The following ATP9B variants were observed in gnomAD, a reference collection of about 807,000 sequenced individuals.
The protein encoded by ATP9B is ATPase phospholipid transporting 9B.
Under a neutral mutation model 146.1 loss-of-function variants are expected in ATP9B, and 110 were observed. That is an observed-to-expected ratio of 0.75 (90% CI 0.65 to 0.88). The LOEUF is 0.88. ATP9B is among the 40% of genes least tolerant of loss of function. ATP9B has a pLI of 0.00. For synonymous variants in ATP9B, 604 were observed against 569.7 expected (o/e 1.06, Z -0.86); for missense variants, 1,499 against 1,496.4 (o/e 1.00, Z -0.03).
intron 15 of ATP9B, among the ~76,000 whole-genome samples, chr18:79,314,611 G>A (rs2096669481): frequency 6.6e-6 from 1 of 152,186 alleles, no homozygotes; most frequent in South Asian, 2.1e-4. Context: ...TCATAATGTG[G>A]AACCTACTTA....
At chr18:79,163,855 C>T (rs923305327) in intron 7 of ATP9B, among the ~76,000 whole-genome samples, 1 of 134,688 alleles carries the variant, frequency 7.4e-6, no homozygotes, top group African/African-American at 2.9e-5. Flanking sequence ...ATTTTATTTT[C>T]ATATTTTATT....
intron 15 of ATP9B, among the ~76,000 whole-genome samples, chr18:79,327,501 GTGCT>G (rs2096755970): frequency 3.3e-5 from 5 of 149,432 alleles, no homozygotes; most frequent in African/African-American, 1.2e-4. Flanking sequence ...CGTGGTTAGT[GTGCT>G]CTCTCCATGG....
At chr18:79,069,680 G>A (rs2071480064) in intron 1 of ATP9B, 151 bp downstream of exon 1, 3 of 502,374 alleles carry the variant, frequency 6.0e-6, no homozygotes, top group Non-Finnish European at 9.4e-6. Flanking sequence ...TTCTGAGCGC[G>A]CCGCAGCTGT....
chr18:79,340,339 G>A (rs1256815757), intron 19 of ATP9B: 1 of 152,114 alleles, frequency 6.6e-6, no homozygotes, highest in African/African-American at 2.4e-5. Flanking sequence ...AAACTCGAAG[G>A]TGATTTTCAG....
In ATP9B at chr18:79,330,006, T is replaced by G; in HGVS notation, c.1936-6T>G. The G allele has an allele frequency of 2.5e-6, 4 of 1,613,646 alleles. No homozygotes were observed. Among genetic ancestry groups the G allele is most frequent in the Non-Finnish European group, 3.4e-6 (4 of 1,179,526 alleles). On this transcript the variant is annotated splice_region_variant and splice_polypyrimidine_tract_variant and intron_variant, in intron 16 of 29. Transcript: ENST00000426216. ...TGTGCCTCTGTTTATTTTTGTTCTT[T>G]GATAGGATGAATCCACGGCAGAAAT...
rs1363211873 is a variant in ATP9B at position 79,347,697 on chromosome 18, C to A, written c.2683-73C>A. The A allele has an allele frequency of 1.4e-5, 21 of 1,453,888 alleles. No homozygotes were observed. In the South Asian group the frequency reaches 2.7e-4, roughly 19 times the overall value. 90.1% of individuals were successfully genotyped at this position (1,453,888 alleles called of 1,614,324 possible). A position where few individuals can be genotyped will look rare whatever the true frequency, so the allele number is the denominator to read the frequency against. On this transcript the variant is annotated intron_variant, in intron 23 of 29. Coordinates refer to ENST00000426216, the MANE Select transcript of ATP9B (RefSeq NM_198531.5). ...GTCTTTGTAACATTTAGGCTGAGTT[C>A]TAAAACTCACTTTTGGAGTCTGATT...
chr18:79,330,330 A>G (rs1685372676), intron 17 of ATP9B, among the ~76,000 whole-genome samples: 1 of 152,182 alleles, frequency 6.6e-6, no homozygotes, highest in Non-Finnish European at 1.5e-5. Context: ...ACACAGTATC[A>G]TTTTATACTA....
In ATP9B at chr18:79,361,765, A is replaced by G. The variant is rs1024587836; in HGVS notation, c.3012+2303A>G. 4.1e-6 allele frequency: 4 copies of G among 985,316 alleles called. No individual in the cohort carries two copies. The African/African-American group carries it at 7.0e-5, about 17-fold the overall frequency. 61.0% of individuals were successfully genotyped at this position (985,316 alleles called of 1,614,324 possible). The stretch of plus-strand genomic sequence containing the variant: ...TCGCCAAGGTAGCACAGACTGCAGC[A>G]CTCTGCGTTGTTGTCTGATGATCGG... On this transcript the variant is annotated intron_variant, in intron 26 of 29. Coordinates refer to ENST00000426216, the MANE Select transcript of ATP9B (RefSeq NM_198531.5).
At chr18:79,257,225 A>C (rs998383726) in intron 12 of ATP9B, among the ~76,000 whole-genome samples, 1 of 152,192 alleles carries the variant, frequency 6.6e-6, no homozygotes, top group Admixed American at 6.5e-5. Flanking sequence ...ACTTGAACCC[A>C]GGAGGCAGAG....
intron 13 of ATP9B, among the ~76,000 whole-genome samples, chr18:79,296,958 C>T (rs76584525): frequency 0.054 from 8,078 of 150,356 alleles, 366 homozygotes; most frequent in African/African-American, 0.13. Flanking sequence ...AGAGAGATGA[C>T]CCAGAGAGGA....
intron 5 of ATP9B, among the ~76,000 whole-genome samples, chr18:79,141,337 C>T (rs1429767943): frequency 6.6e-6 from 1 of 152,142 alleles, no homozygotes; most frequent in Admixed American, 6.5e-5. Context: ...GCAATGAAAC[C>T]TCTTTCCTTT....
chr18:79,127,582 G>A (rs1170432031), intron 5 of ATP9B, among the ~76,000 whole-genome samples: 1 of 152,154 alleles, frequency 6.6e-6, no homozygotes, highest in Non-Finnish European at 1.5e-5. Flanking sequence ...GTGTATGATA[G>A]AGCACATTTT....
At chr18:79,071,651 T>G (rs1351533535) in intron 1 of ATP9B, among the ~76,000 whole-genome samples, 1 of 151,980 alleles carries the variant, frequency 6.6e-6, no homozygotes, top group Non-Finnish European at 1.5e-5. Context: ...GATTAAGGCG[T>G]GAGCCATGGC....
At chr18:79,361,624 C>A in intron 26 of ATP9B, 1 of 259,788 alleles carries the variant, frequency 3.8e-6, no homozygotes, top group Non-Finnish European at 6.0e-6. Flanking sequence ...TACTACACTT[C>A]AAATTCTTTG....
At chr18:79,118,169 ATTGT>A (rs2094120431) in intron 4 of ATP9B, among the ~76,000 whole-genome samples, 1 of 152,104 alleles carries the variant, frequency 6.6e-6, no homozygotes, top group Admixed American at 6.5e-5. Flanking sequence ...AAACAATATG[ATTGT>A]TCATAAGCAT....
intron 7 of ATP9B, among the ~76,000 whole-genome samples, chr18:79,155,888 G>A (rs1432189119): frequency 1.3e-5 from 2 of 149,986 alleles, no homozygotes; most frequent in African/African-American, 4.9e-5. Flanking sequence ...TCAGCCTCCC[G>A]GGTAGCTGGG....
rs535793190 is a variant in ATP9B at position 79,166,364 on chromosome 18, C to T, written c.779-10449C>T. On this transcript the variant is annotated intron_variant, in intron 7 of 29. Coordinates refer to ENST00000426216, the MANE Select transcript of ATP9B (RefSeq NM_198531.5). The stretch of plus-strand genomic sequence containing the variant: ...GACTCGGAGCAAATGTGAAAGGACT[C>T]CCTGGGAGATAACAGCCCTGCATGA... 2.6e-5 allele frequency among the ~76,000 whole-genome samples: 4 copies of T among 152,252 alleles called. No individual in the cohort carries two copies. The East Asian group carries it at 7.7e-4, about 29-fold the overall frequency.
intron 10 of ATP9B, among the ~76,000 whole-genome samples, chr18:79,207,754 C>T (rs1420853609): frequency 6.6e-6 from 1 of 151,904 alleles, no homozygotes; most frequent in Non-Finnish European, 1.5e-5. Context: ...CTGGATGCCA[C>T]TCACTCCCCC....
intron 26 of ATP9B, 21 bp downstream of exon 26, chr18:79,359,483 G>C (rs1383939333): frequency 7.6e-6 from 12 of 1,577,000 alleles, no homozygotes; most frequent in African/African-American, 1.3e-5. Flanking sequence ...CAGGCAAGCT[G>C]TCTGCCTCAC....
Sources: allele counts gnomAD v4.1 joint callset (sites outside exome capture counted in the v4.1 genomes callset), GRCh38; gene constraint gnomAD v4.1.1; transcripts MANE v1.5; gene names NCBI Gene and HGNC (gene_info 2026-07-23, HGNC 2026-07-21).